Variants in LRMDA observed in about 807,000 individuals in gnomAD.
The protein encoded by LRMDA is leucine rich melanocyte differentiation associated, also known as leucine-rich melanocyte differentiation-associated protein.
LRMDA carries 18 observed loss-of-function variants against 29.8 expected under a neutral mutation model. The ratio of observed to expected loss-of-function variants is 0.60; its 90% CI spans 0.42 to 0.90. LRMDA has a LOEUF of 0.90. Among genes scored for constraint, LRMDA ranks in the 40% least tolerant of loss-of-function variants. The pLI, the probability that LRMDA is intolerant of heterozygous loss-of-function variation, is 0.00. For missense variants in LRMDA, 273 were observed against 273.9 expected (o/e 1.00, Z 0.02); for synonymous variants, 125 against 109.4 (o/e 1.14, Z -0.89).
At chr10:75,600,741 T>G (rs759717085) in intron 2 of LRMDA, among the ~76,000 whole-genome samples, 1 of 152,166 alleles carries the variant, frequency 6.6e-6, no homozygotes, top group South Asian at 2.1e-4. Flanking sequence ...AATCCACCCA[T>G]GAGATTTATC....
chr10:75,858,960 A>T (rs1844873551), intron 2 of LRMDA, among the ~76,000 whole-genome samples: 1 of 152,250 alleles, frequency 6.6e-6, no homozygotes, highest in Non-Finnish European at 1.5e-5. Flanking sequence ...ATGCTAAAGA[A>T]AGTATAGTGC....
chr10:76,036,467 GCAGCGAAGCC>G (rs1178132831), intron 3 of LRMDA, among the ~76,000 whole-genome samples: 1 of 152,202 alleles, frequency 6.6e-6, no homozygotes, highest in Non-Finnish European at 1.5e-5. Context: ...CGCTGCAGAG[GCAGCGAAGCC>G]CAGTCTGTTT....
chr10:76,363,296 G>GAAGGAAGGGAGT (rs1841351502), intron 6 of LRMDA, among the ~76,000 whole-genome samples: 1 of 144,794 alleles, frequency 6.9e-6, no homozygotes, highest in Non-Finnish European at 1.5e-5. Flanking sequence ...AGGAAGGAAG[G>GAAGGAAGGGAGT]AAGGGAGGAA....
intron 6 of LRMDA, among the ~76,000 whole-genome samples, chr10:76,328,930 C>G (rs1840870151): frequency 6.6e-6 from 1 of 152,152 alleles, no homozygotes; most frequent in Admixed American, 6.5e-5. Flanking sequence ...CTGCCACCAC[C>G]CAGAGTCACA....
chr10:76,399,472 G>A (rs947748988), intron 6 of LRMDA, among the ~76,000 whole-genome samples: 1 of 152,208 alleles, frequency 6.6e-6, no homozygotes, highest in African/African-American at 2.4e-5. Flanking sequence ...TAAAATCACT[G>A]GAGATAGCTC....
At chr10:76,524,375 G>A (rs1843152998) in intron 6 of LRMDA, among the ~76,000 whole-genome samples, 3 of 152,182 alleles carry the variant, frequency 2.0e-5, no homozygotes, top group Non-Finnish European at 4.4e-5. Context: ...ACATTCTGCA[G>A]CAATTCATTA....
chr10:75,912,778 T>A (rs1316415367), intron 2 of LRMDA, among the ~76,000 whole-genome samples: 2 of 152,142 alleles, frequency 1.3e-5, no homozygotes, highest in African/African-American at 4.8e-5. Context: ...TCTTTTAGGA[T>A]GAAGAAGCAG....
chr10:76,309,202 A>G (rs1840598094), intron 5 of LRMDA, among the ~76,000 whole-genome samples: 1 of 152,130 alleles, frequency 6.6e-6, no homozygotes, highest in Non-Finnish European at 1.5e-5. Flanking sequence ...CTTCTGAGGA[A>G]GAATGTTTGA....
intron 5 of LRMDA, among the ~76,000 whole-genome samples, chr10:76,316,940 G>A (rs1393794761): frequency 6.6e-6 from 1 of 152,182 alleles, no homozygotes; most frequent in African/African-American, 2.4e-5. Flanking sequence ...TCAATGCTTT[G>A]AGAAGTTGTC....
At chr10:75,540,915 A>C (rs771549195) in intron 2 of LRMDA, among the ~76,000 whole-genome samples, 8 of 152,226 alleles carry the variant, frequency 5.3e-5, no homozygotes, top group Admixed American at 2.0e-4. Context: ...ATGCAGAGTC[A>C]ATAAACTCAT....
At chr10:76,171,694 C>T (rs1850841683) in intron 5 of LRMDA, among the ~76,000 whole-genome samples, 2 of 152,194 alleles carry the variant, frequency 1.3e-5, no homozygotes, top group African/African-American at 4.8e-5. Context: ...CTCTTTAGGG[C>T]ATAGCACCAA....
intron 6 of LRMDA, among the ~76,000 whole-genome samples, chr10:76,549,839 G>A (rs905081286): frequency 1.3e-5 from 2 of 152,122 alleles, no homozygotes; most frequent in African/African-American, 4.8e-5. Context: ...ACATGGGGAG[G>A]AATTAACCTT....
chr10:75,809,596 G>A (rs1403676341), intron 2 of LRMDA, among the ~76,000 whole-genome samples: 7 of 152,070 alleles, frequency 4.6e-5, no homozygotes, highest in Non-Finnish European at 7.4e-5. Context: ...GTGAGCCTAG[G>A]TTGTGCCACT....
At chr10:75,942,257 A>G (rs1207578430) in intron 2 of LRMDA, among the ~76,000 whole-genome samples, 2 of 152,090 alleles carry the variant, frequency 1.3e-5, no homozygotes, top group Admixed American at 6.5e-5. Flanking sequence ...GTGAGTATTC[A>G]TTTGTGCCAC....
At chr10:75,983,012 A>G (rs1360105066) in intron 2 of LRMDA, among the ~76,000 whole-genome samples, 1 of 152,196 alleles carries the variant, frequency 6.6e-6, no homozygotes, top group Non-Finnish European at 1.5e-5. Context: ...GCCCACATGG[A>G]CCAGGCAGGG....
intron 5 of LRMDA, among the ~76,000 whole-genome samples, chr10:76,207,414 G>T (rs907502181): frequency 1.3e-5 from 2 of 152,218 alleles, no homozygotes; most frequent in African/African-American, 4.8e-5. Context: ...TGGGAAGGGG[G>T]CTGGGAGTGT....
intron 2 of LRMDA, among the ~76,000 whole-genome samples, chr10:75,803,384 A>G (rs1313096444): frequency 3.3e-5 from 5 of 152,166 alleles, no homozygotes; most frequent in Non-Finnish European, 7.3e-5. Context: ...GGCCTTTTAT[A>G]CAGGTCCACT....
chr10:75,769,646 G>C (rs1175589804), intron 2 of LRMDA, among the ~76,000 whole-genome samples: 1 of 151,912 alleles, frequency 6.6e-6, no homozygotes, highest in Non-Finnish European at 1.5e-5. Context: ...TTTAAAATTT[G>C]TATCAAGTAT....
chr10:76,420,172 C>A (rs941754484), intron 6 of LRMDA, among the ~76,000 whole-genome samples: 1 of 151,868 alleles, frequency 6.6e-6, no homozygotes, highest in Non-Finnish European at 1.5e-5. Flanking sequence ...AAATTCATGG[C>A]TAAACTGTCT....
Sources: gnomAD v4.1 joint callset for allele counts (sites outside exome capture counted in the v4.1 genomes callset) on GRCh38, gnomAD v4.1.1 for gene constraint, MANE v1.5 for transcripts, NCBI Gene and HGNC (gene_info 2026-07-23, HGNC 2026-07-21) for gene names.